Variants in NPTX2 observed in about 807,000 individuals in gnomAD.
NPTX2 encodes neuronal pentraxin 2.
A neutral mutation model predicts 38.1 loss-of-function variants in NPTX2; 23 were observed. The observed-to-expected ratio is 0.60, with a 90% CI of 0.43 to 0.85. The LOEUF is 0.85. Ranked by LOEUF, NPTX2 falls within the 40% of genes least tolerant of loss-of-function variation. The probability of loss-of-function intolerance (pLI) is 0.00; values close to 1 mark genes in which losing one functional copy is unlikely to be tolerated. For synonymous variants in NPTX2, 291 were observed against 287.3 expected, an observed-to-expected ratio of 1.01 and a Z score of -0.13; for missense variants, 553 against 615.3, an observed-to-expected ratio of 0.90 and a Z score of 1.07.
At chr7:98,622,199 G>A (rs577667675) in intron 2 of NPTX2, among the ~76,000 whole-genome samples, 28 of 152,180 alleles carry the variant, frequency 1.8e-4, no homozygotes, top group Admixed American at 1.6e-3. Context: ...CACCTGCAGT[G>A]TCTGATTTAT....
chr7:98,624,877 G>A (rs1458485603), intron 2 of NPTX2, 45 bp from the exon 3 acceptor site: 2 of 1,580,588 alleles, frequency 1.3e-6, no homozygotes, highest in Admixed American at 3.4e-5. Flanking sequence ...GTGGGTGGTG[G>A]GGTGGCCTAA....
intron 4 of NPTX2, among the ~76,000 whole-genome samples, chr7:98,627,996 C>A (rs2115636436): frequency 6.6e-6 from 1 of 152,212 alleles, no homozygotes; most frequent in Middle Eastern, 3.4e-3. Context: ...GTTGGCATTC[C>A]AGTCTGTATT....
intron 2 of NPTX2, chr7:98,620,243 AC>A (rs1290885897): frequency 4.4e-6 from 1 of 226,022 alleles, no homozygotes; most frequent in East Asian, 9.7e-5. Flanking sequence ...TGCGTCATCA[AC>A]CCCCAAACCA....
In NPTX2 at chr7:98,617,530, C is replaced by G; in HGVS notation, c.69C>G (p.Pro23=). Residue 23 remains proline, a synonymous_variant, in exon 1 of 5, where the codon CCC becomes CCG. Transcript: ENST00000265634. ...VAAGAQDSPA[P]GSRFVCTALP... ...CTGGGGCCCAGGACAGCCCGGCGCC[C>G]GGTAGCCGCTTCGTGTGCACGGCAC... The G allele has an allele frequency of 7.1e-7, 1 of 1,414,728 alleles. No individual in the cohort carries two copies. Among genetic ancestry groups the G allele is most frequent in the Non-Finnish European group, 9.2e-7 (1 of 1,087,442 alleles). 87.6% of individuals were successfully genotyped at this position (1,414,728 alleles called of 1,614,324 possible). A position where few individuals can be genotyped will look rare whatever the true frequency, so the allele number is the denominator to read the frequency against.
chr7:98,625,242 G>T (rs541245666), intron 3 of NPTX2, 76 bp downstream of exon 3: 10 of 1,511,380 alleles, frequency 6.6e-6, no homozygotes, highest in Non-Finnish European at 8.9e-6. Flanking sequence ...CACCCCAGCC[G>T]TCCTCGCCCT....
Position 98,617,309 on chromosome 7 carries a change from G to T in NPTX2, c.-153G>T, listed in dbSNP as rs1024248287. 499 of 281,884 alleles carry T rather than the reference G, an allele frequency of 1.8e-3. No individual in the cohort carries two copies. Among genetic ancestry groups the T allele is most frequent in the Non-Finnish European group, 2.8e-3 (427 of 152,778 alleles). The allele number at this position is 281,884 out of a possible 1,614,324, so 17.5% of individuals were successfully genotyped here. ...CAGAGTGCCGAGCAGCGCGGTGGGT[G>T]CGGCTGTGAGACGGCAGGAGACTTC... On this transcript the variant is annotated 5_prime_UTR_variant, in exon 1 of 5. Coordinates refer to ENST00000265634, the MANE Select transcript of NPTX2 (RefSeq NM_002523.3).
Position 98,619,672 on chromosome 7 carries a change from T to A in NPTX2, c.456T>A (p.Ala152=), listed in dbSNP as rs2115612090. Residue 152 remains alanine, a synonymous_variant, in exon 2 of 5, where the codon GCT becomes GCA. Coordinates refer to ENST00000265634, the MANE Select transcript of NPTX2 (RefSeq NM_002523.3). The part of the protein sequence containing the change: ...EHQLRANVSN[A]GLPGDFREVL... ...AGCTCAGAGCAAACGTGTCCAATGC[T>A]GGGCTGCCCGGCGACTTCCGCGAGG... 1 of 1,613,354 alleles carries A rather than the reference T, an allele frequency of 6.2e-7. No homozygotes were observed. Among genetic ancestry groups the A allele is most frequent in the Middle Eastern group, 1.6e-4 (1 of 6,062 alleles).
At chr7:98,622,756 G>A (rs1452360007) in intron 2 of NPTX2, among the ~76,000 whole-genome samples, 2 of 152,164 alleles carry the variant, frequency 1.3e-5, no homozygotes, top group Admixed American at 6.5e-5. Flanking sequence ...CCCAGCCCTC[G>A]CCAGGTGCCC....
Position 98,628,532 on chromosome 7 carries a change from G to A in NPTX2, c.1199G>A (p.Gly400Asp), listed in dbSNP as rs1234663347. ...NIANCSTNMP[G>D]NIIPWVDNNV... ...GCCAACTGCTCCACAAACATGCCGG[G>A]CAACATCATCCCGTGGGTGGACAAT... The change falls in exon 5 of 5, where the codon GGC becomes GAC. Residue 400 changes from glycine (G) to aspartate (D), a missense_variant. Gly to Asp is a moderately conservative substitution (Grantham distance 94). Transcript: ENST00000265634. 1 of 1,611,554 alleles carries A rather than the reference G, an allele frequency of 6.2e-7. No individual in the cohort carries two copies. Among genetic ancestry groups the A allele is most frequent in the Non-Finnish European group, 8.5e-7 (1 of 1,178,240 alleles).
chr7:98,626,526 T>A (rs1791353338), intron 3 of NPTX2, among the ~76,000 whole-genome samples: 1 of 152,190 alleles, frequency 6.6e-6, no homozygotes. Context: ...CTTGTTGTCC[T>A]CTGGGTTTGG....
At position 98,625,063 on chromosome 7, in the gene NPTX2, C is replaced by G. The variant is rs758917249; in HGVS notation, c.785C>G (p.Pro262Arg). 3.1e-6 allele frequency: 5 copies of G among 1,613,440 alleles called. No individual in the cohort carries two copies. Among genetic ancestry groups the G allele is most frequent in the Non-Finnish European group, 4.2e-6 (5 of 1,179,990 alleles). The change falls in exon 3 of 5, where the codon CCA becomes CGA. Residue 262 changes from proline to arginine, a missense_variant. By Grantham distance (103) the Pro-to-Arg change is moderately radical. Transcript: ENST00000265634. ...CTGTGGCTGCGGTCCAGCGCCTCAC[C>G]AGGCATTGGCACCCCCTTCTCCTAT... ...ICLWLRSSASPGIGTPFSYAV... is the reference protein window; with the variant it reads ...ICLWLRSSASRGIGTPFSYAV...
chr7:98,621,669 C>G (rs1467705089), intron 2 of NPTX2, among the ~76,000 whole-genome samples: 1 of 152,214 alleles, frequency 6.6e-6, no homozygotes. Context: ...GGCAGGGGGC[C>G]TTGGTGGGGG....
At chr7:98,627,018 C>T in intron 3 of NPTX2, 147 bp from the exon 4 acceptor site, 3 of 600,436 alleles carry the variant, frequency 5.0e-6, no homozygotes, top group Non-Finnish European at 8.7e-6. Context: ...CAAGGCTGCC[C>T]CCTTGCATGT....
At chr7:98,622,979 C>T (rs993509991) in intron 2 of NPTX2, among the ~76,000 whole-genome samples, 2 of 152,180 alleles carry the variant, frequency 1.3e-5, no homozygotes, top group African/African-American at 4.8e-5. Flanking sequence ...ACTGCGGCCC[C>T]CAAGAGCCTT....
intron 1 of NPTX2, among the ~76,000 whole-genome samples, 187 bp downstream of exon 1, chr7:98,618,074 T>G (rs984441034): frequency 6.6e-6 from 1 of 152,094 alleles, no homozygotes; most frequent in Non-Finnish European, 1.5e-5. Flanking sequence ...CTGCGTGGTA[T>G]CCCTTCCCAC....
intron 1 of NPTX2, among the ~76,000 whole-genome samples, chr7:98,618,595 T>TCCCCCCCCCCCC (rs1221869556): frequency 1.5e-3 from 45 of 29,124 alleles, no homozygotes; most frequent in African/African-American, 2.0e-3. Flanking sequence ...TCCCCCTCCG[T>TCCCCCCCCCCCC]CCCCCCCCCC....
intron 4 of NPTX2, 61 bp from the exon 5 acceptor site, chr7:98,628,341 C>G: frequency 2.7e-6 from 2 of 754,132 alleles, no homozygotes; most frequent in Non-Finnish European, 4.6e-6. Flanking sequence ...CTGTCTGCAG[C>G]CCGTGTGCAG....
At position 98,617,879 on chromosome 7, in the gene NPTX2, A is replaced by G; in HGVS notation, c.418A>G (p.Ser140Gly). Residue 140 changes from serine (S) to glycine (G), a missense_variant, in exon 1 of 5, where the codon AGC becomes GGC. By Grantham distance (56) the Ser-to-Gly change is moderately conservative. Transcript: ENST00000265634. ...GCAGACCCTCAAGGACCGCCTGGAG[A>G]GCCTCGAGGTAGCGGCCCGCGGGGA... is the stretch of plus-strand genomic sequence containing the variant. ...SLQTLKDRLE[S>G]LEHQLRANVS... 1 of 1,553,344 alleles carries G rather than the reference A, an allele frequency of 6.4e-7. No homozygotes were observed. The highest frequency in any genetic ancestry group is 1.4e-5 in the African/African-American group (1 of 73,572).
Position 98,628,655 on chromosome 7 carries a change from C to T in NPTX2, c.*26C>T, listed in dbSNP as rs769767222. ...CCGCCTTCTCCTCTGTCCAGGAGGC[C>T]GGGATCAGGCTGTTGCCATGGAAGT... On this transcript the variant is annotated 3_prime_UTR_variant, in exon 5 of 5. Transcript: ENST00000265634. The T allele has an allele frequency of 3.0e-5, 34 of 1,137,430 alleles. No individual in the cohort carries two copies. The highest frequency in any genetic ancestry group is 1.4e-4 in the African/African-American group (9 of 64,756). The allele number at this position is 1,137,430 out of a possible 1,614,324, so 70.5% of individuals were successfully genotyped here. A position where few individuals can be genotyped will look rare whatever the true frequency, so the allele number is the denominator to read the frequency against.
Sources: allele counts gnomAD v4.1 joint callset (sites outside exome capture counted in the v4.1 genomes callset), GRCh38; gene constraint gnomAD v4.1.1; transcripts MANE v1.5; gene names NCBI Gene and HGNC (gene_info 2026-07-23, HGNC 2026-07-21).